ATP6V1H: variants seen among roughly 807,000 people sequenced by gnomAD.
ATP6V1H encodes the protein V-type proton ATPase subunit H.
ATP6V1H carries 39 observed loss-of-function variants against 71.7 expected under a neutral mutation model. That is an observed-to-expected ratio of 0.54 (90% confidence interval 0.42 to 0.71). ATP6V1H has a LOEUF of 0.71. ATP6V1H is among the 30% of genes least tolerant of loss of function. The probability of loss-of-function intolerance (pLI) is 0.00; values close to 1 mark genes in which losing one functional copy is unlikely to be tolerated. For missense variants in ATP6V1H, 509 were observed against 594.9 expected (o/e 0.86, Z 1.50); for synonymous variants, 192 against 199.3 (o/e 0.96, Z 0.31).
At chr8:53,773,883 A>C (rs564543789) in intron 9 of ATP6V1H, among the ~76,000 whole-genome samples, 25 of 152,304 alleles carry the variant, frequency 1.6e-4, no homozygotes, top group African/African-American at 4.6e-4. Flanking sequence ...GAAATAAAAA[A>C]ATATCAGCTG....
intron 7 of ATP6V1H, among the ~76,000 whole-genome samples, chr8:53,805,627 A>T (rs1055427767): frequency 1.3e-5 from 2 of 152,196 alleles, no homozygotes; most frequent in African/African-American, 4.8e-5. Context: ...CATACATCCC[A>T]TTAATCAGCA....
chr8:53,724,648 A>C (rs1286304390), intron 13 of ATP6V1H, among the ~76,000 whole-genome samples: 1 of 140,132 alleles, frequency 7.1e-6, no homozygotes. Context: ...CAGGGACGGC[A>C]GTGCGCTGAG....
rs71254921 is a variant in ATP6V1H at position 53,755,744 on chromosome 8, A to ATT, written c.1277+809_1277+810dup. On this transcript the variant is annotated intron_variant, in intron 12 of 13. Transcript: ENST00000359530. ...TATATATATATATATATATATATAT[A>ATT]TTTTTTTTTTTTTTTTTTTTTTTTT... is the stretch of plus-strand genomic sequence containing the variant. Among the ~76,000 whole-genome samples the ATT allele has an allele frequency of 7.3e-4, 3 of 4,098 alleles. 1 individual carries two copies. Among genetic ancestry groups the ATT allele is most frequent in the Non-Finnish European group, 1.2e-3 (3 of 2,448 alleles). 2.7% of individuals were successfully genotyped at this position (4,098 alleles called of 152,430 possible).
At chr8:53,757,682 C>T (rs536236130) in intron 11 of ATP6V1H, among the ~76,000 whole-genome samples, 1 of 152,116 alleles carries the variant, frequency 6.6e-6, no homozygotes, top group African/African-American at 2.4e-5. Context: ...GCCAACTGAA[C>T]CCACTAGTAC....
intron 10 of ATP6V1H, among the ~76,000 whole-genome samples, chr8:53,771,255 T>C (rs1808639616): frequency 6.6e-6 from 1 of 152,088 alleles, no homozygotes; most frequent in Non-Finnish European, 1.5e-5. Flanking sequence ...CAAACCCCAA[T>C]CCACCCAAGA....
intron 2 of ATP6V1H, among the ~76,000 whole-genome samples, chr8:53,837,373 A>T (rs1811190649): frequency 6.6e-6 from 1 of 152,190 alleles, no homozygotes; most frequent in South Asian, 2.1e-4. Flanking sequence ...CACATCAATA[A>T]ATAGGGACCC....
At chr8:53,764,859 A>AGGCAGAGATGGGAGGAC (rs2130290793) in intron 11 of ATP6V1H, among the ~76,000 whole-genome samples, 1 of 152,260 alleles carries the variant, frequency 6.6e-6, no homozygotes, top group Non-Finnish European at 1.5e-5. Context: ...GCATTTTGGA[A>AGGCAGAGATGGGAGGAC]GGCAGAGATG....
At chr8:53,790,582 C>G (rs1809536000) in intron 9 of ATP6V1H, among the ~76,000 whole-genome samples, 1 of 152,204 alleles carries the variant, frequency 6.6e-6, no homozygotes, top group Admixed American at 6.5e-5. Flanking sequence ...ACGAAAAAAA[C>G]TAAAGCACGG....
intron 13 of ATP6V1H, among the ~76,000 whole-genome samples, chr8:53,734,819 T>C (rs1360086733): frequency 3.9e-5 from 6 of 151,950 alleles, no homozygotes; most frequent in Admixed American, 3.3e-4. Context: ...CCTGACCTTG[T>C]ACCTACTTAT....
At chr8:53,781,803 T>G (rs1286397462) in intron 9 of ATP6V1H, among the ~76,000 whole-genome samples, 2 of 152,136 alleles carry the variant, frequency 1.3e-5, no homozygotes, top group African/African-American at 2.4e-5. Flanking sequence ...AGGGAATCCT[T>G]TCCCCATTGC....
intron 9 of ATP6V1H, among the ~76,000 whole-genome samples, chr8:53,776,183 C>G (rs559055581): frequency 6.6e-6 from 1 of 152,218 alleles, no homozygotes; most frequent in Non-Finnish European, 1.5e-5. Context: ...GGCCGGCCGG[C>G]TGCTCCGAGT....
chr8:53,768,066 T>C (rs1288251251), intron 11 of ATP6V1H, among the ~76,000 whole-genome samples: 2 of 152,128 alleles, frequency 1.3e-5, no homozygotes, highest in South Asian at 4.1e-4. Flanking sequence ...CCAGAATATA[T>C]GAAGAACCCC....
At chr8:53,761,395 CAG>C (rs1275299608) in intron 11 of ATP6V1H, among the ~76,000 whole-genome samples, 1 of 151,374 alleles carries the variant, frequency 6.6e-6, no homozygotes, top group African/African-American at 2.4e-5. Context: ...AGAAAAATCA[CAG>C]TGTCATACAA....
At chr8:53,726,315 C>T (rs1479013461) in intron 13 of ATP6V1H, among the ~76,000 whole-genome samples, 1 of 152,106 alleles carries the variant, frequency 6.6e-6, no homozygotes, top group Non-Finnish European at 1.5e-5. Context: ...GCTTTTTTCC[C>T]TTAAAGCTTC....
intron 7 of ATP6V1H, among the ~76,000 whole-genome samples, chr8:53,810,164 T>C (rs1467810186): frequency 6.6e-6 from 1 of 152,208 alleles, no homozygotes; most frequent in Non-Finnish European, 1.5e-5. Context: ...CCTCTAAAGA[T>C]ACTTCCTAGT....
intron 11 of ATP6V1H, among the ~76,000 whole-genome samples, chr8:53,766,031 T>C (rs1563456165): frequency 6.6e-6 from 1 of 152,184 alleles, no homozygotes; most frequent in Non-Finnish European, 1.5e-5. Flanking sequence ...GGCAATTCAT[T>C]GGAGCAAAGA....
In ATP6V1H at chr8:53,802,590, C is replaced by T. The variant is rs555058681; in HGVS notation, c.580-694G>A. ...AAAAAATTAGCTGGGCCTGGTGGCGCACACCTGTAATCCCAGCTACTTGGG... is the reference window on the plus strand; with the variant it reads ...AAAAAATTAGCTGGGCCTGGTGGCGTACACCTGTAATCCCAGCTACTTGGG... On this transcript the variant is annotated intron_variant, in intron 7 of 13. Transcript: ENST00000359530. 3.9e-5 allele frequency among the ~76,000 whole-genome samples: 6 copies of T among 152,136 alleles called. No homozygotes were observed. In the East Asian group the frequency reaches 1.2e-3, roughly 29 times the overall value.
chr8:53,822,733 C>T (rs575568005), intron 4 of ATP6V1H, among the ~76,000 whole-genome samples: 2 of 151,920 alleles, frequency 1.3e-5, no homozygotes, highest in South Asian at 4.2e-4. Flanking sequence ...AAACAAGACC[C>T]GAATCTATAC....
At chr8:53,752,088 C>A (rs1563449190) in intron 12 of ATP6V1H, among the ~76,000 whole-genome samples, 1 of 152,062 alleles carries the variant, frequency 6.6e-6, no homozygotes, top group Non-Finnish European at 1.5e-5. Context: ...ATTTGAGATA[C>A]CACAATTATT....
Sources: allele counts gnomAD v4.1 joint callset (sites outside exome capture counted in the v4.1 genomes callset), GRCh38; gene constraint gnomAD v4.1.1; transcripts MANE v1.5; gene names NCBI Gene and HGNC (gene_info 2026-07-23, HGNC 2026-07-21).